Variants in ZNF428 observed in about 807,000 individuals in gnomAD.
ZNF428 encodes the protein zinc finger protein 428.
Under a neutral mutation model 15.6 loss-of-function variants are expected in ZNF428, and 5 were observed. The ratio of observed to expected loss-of-function variants is 0.32; its 90% CI spans 0.17 to 0.67. ZNF428 has a LOEUF of 0.67. ZNF428 is among the 30% of genes least tolerant of loss of function. The pLI, the probability that ZNF428 is intolerant of heterozygous loss-of-function variation, is 0.73. For missense variants in ZNF428, 237 were observed against 256.0 expected, an observed-to-expected ratio of 0.93 and a Z score of 0.51; for synonymous variants, 97 against 102.2, an observed-to-expected ratio of 0.95 and a Z score of 0.31.
At position 43,612,731 on chromosome 19, in the gene ZNF428, A is replaced by G. The variant is rs1349658717; in HGVS notation, c.76+1498T>C. 6.4e-7 allele frequency: 1 copy of G among 1,551,668 alleles called. No homozygotes were observed. Among genetic ancestry groups the G allele is most frequent in the Non-Finnish European group, 8.7e-7 (1 of 1,146,988 alleles). ...TTACCGCCCACCAGGAGGCTCAGGTATAGGGAGGAGTTCCGAGCTGGCTGT... is the reference window on the plus strand; with the variant it reads ...TTACCGCCCACCAGGAGGCTCAGGTGTAGGGAGGAGTTCCGAGCTGGCTGT... On this transcript the variant is annotated intron_variant, in intron 2 of 2. Coordinates refer to ENST00000300811, the MANE Select transcript of ZNF428 (RefSeq NM_182498.4). The surrounding 1 kb of genome is among the most constrained non-coding windows in gnomAD (Gnocchi z 4.2).
chr19:43,610,961 T>C (rs1378976474), intron 2 of ZNF428, among the ~76,000 whole-genome samples: 1 of 152,204 alleles, frequency 6.6e-6, no homozygotes, highest in Non-Finnish European at 1.5e-5. Flanking sequence ...AATCGTTTCC[T>C]GAGGCCTTGG....
intron 1 of ZNF428, among the ~76,000 whole-genome samples, 198 bp downstream of exon 1, chr19:43,619,360 C>A (rs922508118): frequency 1.3e-5 from 2 of 152,252 alleles, no homozygotes; most frequent in African/African-American, 4.8e-5. Context: ...TCCCACAGCG[C>A]TTCAAGGCGG....
chr19:43,607,622 C>G lies in ZNF428; in HGVS notation c.562G>C (p.Val188Leu). 1 of 1,585,324 alleles carries G rather than the reference C, an allele frequency of 6.3e-7. No individual in the cohort carries two copies. Among genetic ancestry groups the G allele is most frequent in the Non-Finnish European group, 8.6e-7 (1 of 1,163,268 alleles). ...TCCCCGTATGGGGGCTCTGCCTACACCTCACCCCGGGCATGCAGCATGAAG... is the reference window on the plus strand; with the variant it reads ...TCCCCGTATGGGGGCTCTGCCTACAGCTCACCCCGGGCATGCAGCATGAAG... ...GHFMLHARGEV is the reference protein window; with the variant it reads ...GHFMLHARGEL Residue 188 changes from valine to leucine, a missense_variant, in exon 3 of 3, where the codon GTG (valine) becomes CTG (leucine). By Grantham distance (32) the Val-to-Leu change is conservative. Transcript: ENST00000300811. This position sits in a 1 kb window ranked among gnomAD's most constrained non-coding sequence, Gnocchi z 5.1.
rs1001004165 is a variant in ZNF428 at position 43,612,530 on chromosome 19, A to G, written c.76+1699T>C. The G allele has an allele frequency of 2.7e-5, 42 of 1,551,376 alleles. No homozygotes were observed. The Admixed American group carries it at 7.7e-4, about 28-fold the overall frequency. ...AAGCCGCAGCTCCAAGAGGTCACCC[A>G]GCAGGGCCAGCACTCCTGGCAGGAT... On this transcript the variant is annotated intron_variant, in intron 2 of 2. Coordinates refer to ENST00000300811, the MANE Select transcript of ZNF428 (RefSeq NM_182498.4). The surrounding 1 kb of genome is among the most constrained non-coding windows in gnomAD (Gnocchi z 4.2).
Position 43,612,674 on chromosome 19 carries a change from G to C in ZNF428, c.76+1555C>G, listed in dbSNP as rs1489257085. 27 of 1,551,438 alleles carry C rather than the reference G, an allele frequency of 1.7e-5. No individual in the cohort carries two copies. Among genetic ancestry groups the C allele is most frequent in the Non-Finnish European group, 2.4e-5 (27 of 1,146,982 alleles). Reference sequence around the variant, plus strand: ...TAGAACCAGCAACAGGGAAAGGAGTGACAGCCAGCCTAGAAATCTGAGCAA... The same window carrying C: ...TAGAACCAGCAACAGGGAAAGGAGTCACAGCCAGCCTAGAAATCTGAGCAA... On this transcript the variant is annotated intron_variant, in intron 2 of 2. Transcript: ENST00000300811. The surrounding 1 kb of genome is among the most constrained non-coding windows in gnomAD (Gnocchi z 4.2).
intron 2 of ZNF428, chr19:43,613,111 C>A: frequency 6.4e-7 from 1 of 1,551,632 alleles, no homozygotes; most frequent in South Asian, 1.2e-5. Context: ...GAAGACACAG[C>A]CAGTCTAGAA....
intron 2 of ZNF428, chr19:43,613,905 G>T (rs759791111): frequency 5.8e-6 from 9 of 1,551,538 alleles, no homozygotes; most frequent in Non-Finnish European, 4.4e-6. Context: ...GATCACAGCC[G>T]ATCTAGAAGC....
chr19:43,614,592 C>T, intron 1 of ZNF428, 158 bp from the exon 2 acceptor site: 1 of 506,932 alleles, frequency 2.0e-6, no homozygotes, highest in East Asian at 4.3e-5. Flanking sequence ...CAAGCCCTGC[C>T]CCTCTCTAGG....
At chr19:43,613,799 T>C (rs1973339158) in intron 2 of ZNF428, 1 of 1,544,964 alleles carries the variant, frequency 6.5e-7, no homozygotes, top group Non-Finnish European at 8.7e-7. Context: ...GCACAGACAA[T>C]CCAGAAGCCC....
At chr19:43,616,739 G>A (rs1973375044) in intron 1 of ZNF428, among the ~76,000 whole-genome samples, 2 of 151,490 alleles carry the variant, frequency 1.3e-5, no homozygotes, top group Non-Finnish European at 2.9e-5. Context: ...ATCTCTCCCT[G>A]TGCACACAAG....
In ZNF428 at chr19:43,612,661, C is replaced by T; in HGVS notation, c.76+1568G>A. ...GTTACGGCCGGCCTAGAACCAGCAA[C>T]AGGGAAAGGAGTGACAGCCAGCCTA... On this transcript the variant is annotated intron_variant, in intron 2 of 2. Coordinates refer to ENST00000300811, the MANE Select transcript of ZNF428 (RefSeq NM_182498.4). This position sits in a 1 kb window ranked among gnomAD's most constrained non-coding sequence, Gnocchi z 4.2. 6.4e-7 allele frequency: 1 copy of T among 1,551,430 alleles called. No individual in the cohort carries two copies. The highest frequency in any genetic ancestry group is 8.7e-7 in the Non-Finnish European group (1 of 1,146,970).
Position 43,612,045 on chromosome 19 carries a change from T to G in ZNF428, c.76+2184A>C, listed in dbSNP as rs1973302665. The G allele has an allele frequency of 8.9e-7, 1 of 1,125,558 alleles. No homozygotes were observed. Among genetic ancestry groups the G allele is most frequent in the Admixed American group, 2.1e-5 (1 of 46,602 alleles). 69.7% of individuals were successfully genotyped at this position (1,125,558 alleles called of 1,614,324 possible). A position where few individuals can be genotyped will look rare whatever the true frequency, so the allele number is the denominator to read the frequency against. The stretch of plus-strand genomic sequence containing the variant: ...CACACAGTTGGCCTGTGACAGGCAA[T>G]CAGGTCATCGTCCACGGCTACCAGG... On this transcript the variant is annotated intron_variant, in intron 2 of 2. Transcript: ENST00000300811. This position sits in a 1 kb window ranked among gnomAD's most constrained non-coding sequence, Gnocchi z 4.2.
intron 2 of ZNF428, chr19:43,613,083 G>A: frequency 1.9e-6 from 3 of 1,551,512 alleles, no homozygotes; most frequent in Non-Finnish European, 2.6e-6. Flanking sequence ...ACCCGGAAGG[G>A]AATTCTGAGC....
rs1291841493 is a variant in ZNF428, at chr19:43,607,831, G to A, written c.353C>T (p.Thr118Ile). Reference sequence around the variant, plus strand: ...AGGGGCTGGTGCTTCCTGGGGGGCTGTAGCAGGGCAGCAGAGCCGGCAGGG... The same window carrying A: ...AGGGGCTGGTGCTTCCTGGGGGGCTATAGCAGGGCAGCAGAGCCGGCAGGG... ...TPPCRLCCPA[T>I]APQEAPAPEG... Residue 118 changes from threonine to isoleucine, a missense_variant, in exon 3 of 3, where the codon ACA (threonine) becomes ATA (isoleucine). Physicochemically the swap from Thr to Ile is moderately conservative, Grantham distance 89 (BLOSUM62 -1). Transcript: ENST00000300811. This position sits in a 1 kb window ranked among gnomAD's most constrained non-coding sequence, Gnocchi z 5.1. The A allele has an allele frequency of 1.9e-6, 3 of 1,562,870 alleles. No individual in the cohort carries two copies. Among genetic ancestry groups the A allele is most frequent in the Middle Eastern group, 1.7e-4 (1 of 5,978 alleles).
chr19:43,609,380 T>G lies in ZNF428; in HGVS notation c.77-1273A>C, dbSNP rs867301836. ...CCATGGAGAGAGAGAGAGAGAGAGT[T>G]AGGTGAATTAAAACATTTATTTATA... On this transcript the variant is annotated intron_variant, in intron 2 of 2. Transcript: ENST00000300811. 1.4e-3 allele frequency among the ~76,000 whole-genome samples: 50 copies of G among 36,890 alleles called. 1 individual carries two copies. The highest frequency in any genetic ancestry group is 4.3e-3 in the African/African-American group (42 of 9,852). The allele number at this position is 36,890 out of a possible 152,430, so 24.2% of individuals were successfully genotyped here. A position where few individuals can be genotyped will look rare whatever the true frequency, so the allele number is the denominator to read the frequency against.
intron 2 of ZNF428, among the ~76,000 whole-genome samples, chr19:43,609,280 G>A (rs1973270920): frequency 6.6e-6 from 1 of 151,854 alleles, no homozygotes; most frequent in East Asian, 1.9e-4. Context: ...TCATTTTAGG[G>A]AGACAACCAT....
Position 43,612,338 on chromosome 19 carries a change from G to A in ZNF428, c.76+1891C>T, listed in dbSNP as rs1184849119. The stretch of plus-strand genomic sequence containing the variant: ...CACCAAATCGACCAGTACAAAAAGA[G>A]CCCCTTCTAACCGGCCCAGCAGCAG... On this transcript the variant is annotated intron_variant, in intron 2 of 2. Coordinates refer to ENST00000300811, the MANE Select transcript of ZNF428 (RefSeq NM_182498.4). This position sits in a 1 kb window ranked among gnomAD's most constrained non-coding sequence, Gnocchi z 4.2. 13 of 1,551,646 alleles carry A rather than the reference G, an allele frequency of 8.4e-6. No individual in the cohort carries two copies. The highest frequency in any genetic ancestry group is 5.9e-5 in the Admixed American group (3 of 50,984).
intron 2 of ZNF428, chr19:43,613,901 A>C (rs2146120205): frequency 6.4e-7 from 1 of 1,551,722 alleles, no homozygotes; most frequent in Non-Finnish European, 8.7e-7. Context: ...GAGAGATCAC[A>C]GCCGATCTAG....
intron 1 of ZNF428, among the ~76,000 whole-genome samples, chr19:43,616,812 CTTT>C (rs773874043): frequency 4.3e-5 from 6 of 138,368 alleles, no homozygotes; most frequent in Admixed American, 7.4e-5. Context: ...CCTCCTCCTC[CTTT>C]TTTTTTTTTT....
Sources: allele counts gnomAD v4.1 joint callset (sites outside exome capture counted in the v4.1 genomes callset), GRCh38; gene constraint gnomAD v4.1.1; non-coding constraint Gnocchi (gnomAD v3.1); transcripts MANE v1.5; gene names NCBI Gene and HGNC (gene_info 2026-07-23, HGNC 2026-07-21).